The following DOCK10 variants were observed in gnomAD, a reference collection of about 807,000 sequenced individuals.
DOCK10 encodes the protein dedicator of cytokinesis 10, also known as dedicator of cytokinesis protein 10.
Under a neutral mutation model 280.1 loss-of-function variants are expected in DOCK10, and 145 were observed. The ratio of observed to expected loss-of-function variants is 0.52; its 90% CI spans 0.45 to 0.59. DOCK10 has a LOEUF of 0.59. Among genes scored for constraint, DOCK10 ranks in the 20% least tolerant of loss-of-function variants. The pLI, the probability that DOCK10 is intolerant of heterozygous loss-of-function variation, is 0.00. For synonymous variants in DOCK10, 915 were observed against 942.2 expected, an observed-to-expected ratio of 0.97 and a Z score of 0.53; for missense variants, 2,368 against 2,651.7, an observed-to-expected ratio of 0.89 and a Z score of 2.35.
Position 224,827,932 on chromosome 2 carries a change from C to G in DOCK10, c.3036+2609G>C, listed in dbSNP as rs546522984. Among the ~76,000 whole-genome samples, 8 of 152,300 alleles carry G rather than the reference C, an allele frequency of 5.3e-5. No individual in the cohort carries two copies. In the East Asian group the frequency reaches 1.2e-3, roughly 22 times the overall value. ...GATGAGGACCTCTGGATGGATGACT[C>G]TGAGGAAGTGGCTCTGCACACTTCC... On this transcript the variant is annotated intron_variant, in intron 27 of 55. Transcript: ENST00000258390.
intron 23 of DOCK10, among the ~76,000 whole-genome samples, chr2:224,840,558 G>A (rs549709366): frequency 4.9e-4 from 74 of 152,162 alleles, no homozygotes; most frequent in Non-Finnish European, 8.2e-4. Context: ...AACCACAGTG[G>A]GACATCACCT....
intron 18 of DOCK10, among the ~76,000 whole-genome samples, chr2:224,850,879 A>G (rs113783599): frequency 0.013 from 1,991 of 152,268 alleles, 48 homozygotes; most frequent in African/African-American, 0.045. Context: ...TCAGCCATGC[A>G]GAAACTGTGA....
chr2:225,000,213 CACACACACACAG>C (rs929902168), intron 1 of DOCK10, among the ~76,000 whole-genome samples: 3 of 113,962 alleles, frequency 2.6e-5, no homozygotes, highest in Non-Finnish European at 4.2e-5. Context: ...CAGACACACA[CACACACACACAG>C]ACACACACAC....
At chr2:225,014,084 G>GT (rs1174953662) in intron 1 of DOCK10, among the ~76,000 whole-genome samples, 2,640 of 104,204 alleles carry the variant, frequency 0.025, 70 homozygotes, top group African/African-American at 0.096. Context: ...TGAATATATT[G>GT]TTTTTTTTTT....
intron 1 of DOCK10, among the ~76,000 whole-genome samples, chr2:224,949,146 G>A (rs1703592423): frequency 1.3e-5 from 2 of 152,218 alleles, no homozygotes; most frequent in Admixed American, 1.3e-4. Flanking sequence ...TCCATGGGAT[G>A]GCACCGCTGG....
chr2:224,909,533 T>G (rs1165066684), intron 3 of DOCK10, among the ~76,000 whole-genome samples: 1 of 152,178 alleles, frequency 6.6e-6, no homozygotes, highest in Non-Finnish European at 1.5e-5. Context: ...CCTCATCCAG[T>G]CAGGCTAGTG....
chr2:224,911,888 T>C (rs1701034255), intron 3 of DOCK10, among the ~76,000 whole-genome samples: 1 of 152,214 alleles, frequency 6.6e-6, no homozygotes, highest in African/African-American at 2.4e-5. Context: ...GTTTGCTGAA[T>C]GTAATTGACT....
chr2:224,968,859 A>G (rs988743418), intron 1 of DOCK10, among the ~76,000 whole-genome samples: 14 of 152,258 alleles, frequency 9.2e-5, no homozygotes, highest in African/African-American at 3.4e-4. Context: ...TAAAGGCAAC[A>G]CAAGGTGTGA....
At chr2:224,906,510 C>T (rs1218770181) in intron 3 of DOCK10, among the ~76,000 whole-genome samples, 1 of 151,674 alleles carries the variant, frequency 6.6e-6, no homozygotes, top group Non-Finnish European at 1.5e-5. Flanking sequence ...GTCTCCCAGG[C>T]TGGAGTGCAG....
Position 224,841,908 on chromosome 2 carries a change from A to G in DOCK10, c.2569-12T>C. 1.3e-6 allele frequency: 2 copies of G among 1,576,588 alleles called. No individual in the cohort carries two copies. Among genetic ancestry groups the G allele is most frequent in the East Asian group, 4.5e-5 (2 of 44,562 alleles). The stretch of plus-strand genomic sequence containing the variant: ...TTCACATGTGGATCCTACAACAGCA[A>G]AAAAAAAGTATTTATTTCTGATGAC... On this transcript the variant is annotated splice_polypyrimidine_tract_variant and intron_variant, in intron 22 of 55. Transcript: ENST00000258390.
chr2:225,010,784 G>A (rs1234798219), intron 1 of DOCK10, among the ~76,000 whole-genome samples: 3 of 152,002 alleles, frequency 2.0e-5, no homozygotes, highest in Non-Finnish European at 4.4e-5. Flanking sequence ...ATCAACTAAT[G>A]CAGAATGAGA....
intron 1 of DOCK10, among the ~76,000 whole-genome samples, chr2:224,934,820 T>A (rs1338181366): frequency 2.0e-5 from 3 of 152,230 alleles, no homozygotes; most frequent in Admixed American, 2.0e-4. Flanking sequence ...TACTCTGAAT[T>A]GGCTTGGATT....
At chr2:224,964,339 C>T (rs1414891512) in intron 1 of DOCK10, among the ~76,000 whole-genome samples, 1 of 152,044 alleles carries the variant, frequency 6.6e-6, no homozygotes, top group Non-Finnish European at 1.5e-5. Context: ...AATAACAAAC[C>T]TCTTTGAAAG....
At chr2:225,012,522 G>T (rs865869260) in intron 1 of DOCK10, among the ~76,000 whole-genome samples, 3 of 152,100 alleles carry the variant, frequency 2.0e-5, no homozygotes, top group Non-Finnish European at 4.4e-5. Flanking sequence ...TACTTGTATA[G>T]TGCTTGCTTT....
intron 1 of DOCK10, among the ~76,000 whole-genome samples, chr2:224,968,250 A>G (rs773508443): frequency 6.6e-6 from 1 of 152,210 alleles, no homozygotes; most frequent in Non-Finnish European, 1.5e-5. Context: ...AATAATTCCC[A>G]TGTGGTATTT....
rs1691753492 is a variant in DOCK10, at chr2:224,786,699, A to G, written c.5655+323T>C. On this transcript the variant is annotated intron_variant, in intron 50 of 55. Transcript: ENST00000258390. The surrounding 1 kb of genome is among the most constrained non-coding windows in gnomAD (Gnocchi z 4.7). Reference sequence around the variant, plus strand: ...AACATATTCAATTTAATTTCACTTTAATATATGGCGTAAACTTATAATTAG... The same window carrying G: ...AACATATTCAATTTAATTTCACTTTGATATATGGCGTAAACTTATAATTAG... Among the ~76,000 whole-genome samples, 7 of 152,344 alleles carry G rather than the reference A, an allele frequency of 4.6e-5. No individual in the cohort carries two copies. The South Asian group carries it at 1.4e-3, about 32-fold the overall frequency.
At chr2:224,773,380 T>C in intron 52 of DOCK10, 33 bp from the exon 53 acceptor site, 2 of 1,580,660 alleles carry the variant, frequency 1.3e-6, no homozygotes, top group Non-Finnish European at 8.6e-7. Context: ...GATTTCAAGG[T>C]TGAGGATTAG....
At chr2:224,830,513 T>A in intron 27 of DOCK10, 28 bp downstream of exon 27, 3 of 1,192,788 alleles carry the variant, frequency 2.5e-6, no homozygotes, top group Non-Finnish European at 3.4e-6. Flanking sequence ...GTAAAAATAT[T>A]ATAATATTAT....
chr2:224,952,480 A>T (rs1409189289), intron 1 of DOCK10, among the ~76,000 whole-genome samples: 1 of 152,212 alleles, frequency 6.6e-6, no homozygotes, highest in Non-Finnish European at 1.5e-5. Flanking sequence ...GTCGAATGGC[A>T]CAGGAGAGCT....
Sources: allele counts gnomAD v4.1 joint callset (sites outside exome capture counted in the v4.1 genomes callset), GRCh38; gene constraint gnomAD v4.1.1; non-coding constraint Gnocchi (gnomAD v3.1); transcripts MANE v1.5; gene names NCBI Gene and HGNC (gene_info 2026-07-23, HGNC 2026-07-21).